CLIP4: variants seen among roughly 807,000 people sequenced by gnomAD.
The protein encoded by CLIP4 is CAP-Gly domain containing linker protein family member 4, also known as CAP-Gly domain-containing linker protein 4.
Under a neutral mutation model 73.1 loss-of-function variants are expected in CLIP4, and 47 were observed. The ratio of observed to expected loss-of-function variants is 0.64; its 90% confidence interval spans 0.51 to 0.82. CLIP4 has a LOEUF of 0.82. CLIP4 is among the 40% of genes least tolerant of loss of function. CLIP4 has a pLI of 0.00. For missense variants in CLIP4, 874 were observed against 852.9 expected (o/e 1.02, Z -0.31); for synonymous variants, 306 against 295.4 (o/e 1.04, Z -0.37).
chr2:29,170,191 T>TTAG, intron 14 of CLIP4, among the ~76,000 whole-genome samples: 1 of 152,246 alleles, frequency 6.6e-6, no homozygotes, highest in Admixed American at 6.5e-5. Flanking sequence ...ATATCTTGGC[T>TTAG]GTTGGGAATC....
intron 2 of CLIP4, among the ~76,000 whole-genome samples, chr2:29,128,930 G>A (rs1232275863): frequency 6.6e-6 from 1 of 152,096 alleles, no homozygotes; most frequent in African/African-American, 2.4e-5. Context: ...CACAGGACAT[G>A]TTTACTAACA....
rs781479921 is a variant in CLIP4, at chr2:29,181,933, G to A, written c.*40G>A. On this transcript the variant is annotated 3_prime_UTR_variant, in exon 16 of 16. Coordinates refer to ENST00000320081, the MANE Select transcript of CLIP4 (RefSeq NM_024692.6). ...AAATAAGCTCAAATATATATATTTGGTGTAAATAAAGAGTCCATGGTAAAT... is the reference window on the plus strand; with the variant it reads ...AAATAAGCTCAAATATATATATTTGATGTAAATAAAGAGTCCATGGTAAAT... 1.4e-6 allele frequency: 2 copies of A among 1,469,688 alleles called. No homozygotes were observed. Among genetic ancestry groups the A allele is most frequent in the African/African-American group, 1.4e-5 (1 of 70,764 alleles). The allele number at this position is 1,469,688 out of a possible 1,614,324, so 91.0% of individuals were successfully genotyped here.
intron 8 of CLIP4, among the ~76,000 whole-genome samples, chr2:29,150,761 A>G (rs950323822): frequency 6.8e-6 from 1 of 146,526 alleles, no homozygotes; most frequent in African/African-American, 2.5e-5. Flanking sequence ...TAGGGATTAC[A>G]GGCACGCACC....
intron 2 of CLIP4, among the ~76,000 whole-genome samples, chr2:29,130,311 A>G (rs1184170027): frequency 6.6e-6 from 1 of 152,186 alleles, no homozygotes; most frequent in African/African-American, 2.4e-5. Context: ...AAAAACTGCA[A>G]ATAGGGAGAC....
intron 13 of CLIP4, among the ~76,000 whole-genome samples, chr2:29,164,912 G>A (rs965688789): frequency 8.5e-5 from 13 of 152,140 alleles, no homozygotes; most frequent in African/African-American, 2.7e-4. Flanking sequence ...ATACTTTGTA[G>A]TTTATAAAGT....
chr2:29,120,598 A>G (rs577030569), intron 1 of CLIP4, among the ~76,000 whole-genome samples: 2 of 152,324 alleles, frequency 1.3e-5, no homozygotes, highest in Non-Finnish European at 2.9e-5. Flanking sequence ...TTCAGATAGT[A>G]AAGATCGGAT....
At chr2:29,140,584 G>A (rs1333159040) in intron 6 of CLIP4, among the ~76,000 whole-genome samples, 2 of 152,182 alleles carry the variant, frequency 1.3e-5, no homozygotes, top group Admixed American at 1.3e-4. Flanking sequence ...TAGTCCTTTG[G>A]GTATATACCC....
At chr2:29,153,596 T>G (rs1558558581) in intron 9 of CLIP4, among the ~76,000 whole-genome samples, 1 of 152,242 alleles carries the variant, frequency 6.6e-6, no homozygotes. Flanking sequence ...GGCAAAATTT[T>G]AAACTTTAAC....
chr2:29,131,233 T>G (rs750964537), intron 2 of CLIP4, 25 bp from the exon 3 acceptor site: 1 of 1,548,988 alleles, frequency 6.5e-7, no homozygotes, highest in African/African-American at 1.4e-5. Context: ...TTAGTAAATT[T>G]AATTTGCATC....
upstream of CLIP4, among the ~76,000 whole-genome samples, chr2:29,112,926 C>T (rs1301310574): frequency 1.3e-5 from 2 of 152,304 alleles, no homozygotes; most frequent in African/African-American, 2.4e-5. Flanking sequence ...TTATCATGGT[C>T]GGGGTCCTGA....
intron 14 of CLIP4, among the ~76,000 whole-genome samples, chr2:29,170,523 T>C (rs185424426): frequency 6.6e-6 from 1 of 152,358 alleles, no homozygotes; most frequent in Admixed American, 6.5e-5. Flanking sequence ...ACATGTGTTT[T>C]GCAACTATTT....
At chr2:29,155,301 CA>C (rs1222634295) in intron 9 of CLIP4, among the ~76,000 whole-genome samples, 2 of 150,826 alleles carry the variant, frequency 1.3e-5, no homozygotes, top group African/African-American at 4.9e-5. Context: ...TGTTTCTGAA[CA>C]AAAAAAAGAA....
At chr2:29,142,033 C>T (rs1460474056) in intron 6 of CLIP4, among the ~76,000 whole-genome samples, 3 of 151,824 alleles carry the variant, frequency 2.0e-5, no homozygotes, top group African/African-American at 7.3e-5. Flanking sequence ...AAGTTTTGTT[C>T]CTGTTGTCGT....
chr2:29,119,336 T>A lies in CLIP4; in HGVS notation c.-15-2038T>A, dbSNP rs2148458456. On this transcript the variant is annotated intron_variant, in intron 1 of 15. Coordinates refer to ENST00000320081, the MANE Select transcript of CLIP4 (RefSeq NM_024692.6). ...AGTTGTGTACGATAGAGTTCGTATC[T>A]TTGAGGATCTCAACAGTTTACAAGG... Among the ~76,000 whole-genome samples the A allele has an allele frequency of 2.0e-5, 3 of 152,332 alleles. No individual in the cohort carries two copies. In the Middle Eastern group the frequency reaches 0.01, roughly 518 times the overall value.
intron 2 of CLIP4, among the ~76,000 whole-genome samples, chr2:29,122,786 ACTGCACTCCAG>A (rs1412575659): frequency 3.6e-5 from 5 of 138,334 alleles, no homozygotes; most frequent in Non-Finnish European, 7.6e-5. Context: ...AGATCGCATC[ACTGCACTCCAG>A]CCTGGGCCAC....
rs566968357 is a variant in CLIP4, at chr2:29,099,176, T to TTCATTG, written c.-16+1232_-16+1233insTTGTCA. On this transcript the variant is annotated intron_variant, in intron 1 of 14. Transcript: ENST00000401605. ...TCTTTTCATTGTCTTAACAGGATTT[T>TTCATTG]TCACAGAACAGAATTGAAAAAATAT... 7.3e-3 allele frequency among the ~76,000 whole-genome samples: 1,106 copies of TTCATTG among 152,356 alleles called. 7 individuals carry two copies. Among genetic ancestry groups the TTCATTG allele is most frequent in the Non-Finnish European group, 0.011 (747 of 68,038 alleles).
intron 1 of CLIP4, among the ~76,000 whole-genome samples, chr2:29,117,932 C>T (rs1271439152): frequency 6.6e-6 from 1 of 152,154 alleles, no homozygotes; most frequent in African/African-American, 2.4e-5. Flanking sequence ...TTTTTCAGGG[C>T]AGGTATTTCA....
chr2:29,118,832 A>G (rs574432391), intron 1 of CLIP4, among the ~76,000 whole-genome samples: 1 of 151,968 alleles, frequency 6.6e-6, no homozygotes, highest in Admixed American at 6.6e-5. Context: ...GCCAATATAT[A>G]TATATATATT....
At chr2:29,106,322 C>T (rs1401768535) in intron 1 of CLIP4, among the ~76,000 whole-genome samples, 3 of 152,202 alleles carry the variant, frequency 2.0e-5, no homozygotes, top group Non-Finnish European at 4.4e-5. Context: ...ACCCTTCTCA[C>T]GTAGCTCAAA....
Sources: allele counts gnomAD v4.1 joint callset (sites outside exome capture counted in the v4.1 genomes callset), GRCh38; gene constraint gnomAD v4.1.1; transcripts MANE v1.5; gene names NCBI Gene and HGNC (gene_info 2026-07-23, HGNC 2026-07-21).